The following DRC1 variants were observed in gnomAD, a reference collection of about 807,000 sequenced individuals.
DRC1 encodes the protein dynein regulatory complex protein 1.
In DRC1, 74 loss-of-function variants were observed where a neutral mutation model predicts 98.7. The ratio of observed to expected loss-of-function variants is 0.75; its 90% confidence interval spans 0.62 to 0.91. The LOEUF (loss-of-function observed/expected upper bound fraction) is 0.91, where lower values mean the gene tolerates loss of function less well. Ranked by LOEUF, DRC1 falls within the 40% of genes least tolerant of loss-of-function variation. The pLI is 0.00. For synonymous variants in DRC1, 336 were observed against 334.1 expected (o/e 1.01, Z -0.06); for missense variants, 875 against 886.0 (o/e 0.99, Z 0.16).
chr2:26,438,749 T>C (rs1296141085), intron 7 of DRC1, among the ~76,000 whole-genome samples: 10 of 152,182 alleles, frequency 6.6e-5, no homozygotes, highest in Non-Finnish European at 1.5e-4. Context: ...TAGGCTGTGA[T>C]AGCCACTTGG....
intron 7 of DRC1, among the ~76,000 whole-genome samples, chr2:26,434,333 G>A (rs765345125): frequency 1.3e-5 from 2 of 152,146 alleles, no homozygotes; most frequent in Admixed American, 1.3e-4. Context: ...ACTCCCTACC[G>A]CTGCCCACCA....
At chr2:26,440,641 G>C in intron 8 of DRC1, 124 bp downstream of exon 8, 1 of 1,258,276 alleles carries the variant, frequency 7.9e-7, no homozygotes, top group Non-Finnish European at 1.0e-6. Flanking sequence ...TATTAAAATA[G>C]TTTTTTGGAA....
chr2:26,414,548 C>A, intron 2 of DRC1, 117 bp downstream of exon 2: 1 of 887,986 alleles, frequency 1.1e-6, no homozygotes, highest in East Asian at 2.7e-5. Flanking sequence ...CTAGGCAGAA[C>A]TGAATAGAAT....
chr2:26,421,465 C>T, intron 3 of DRC1, 65 bp downstream of exon 3: 1 of 1,412,206 alleles, frequency 7.1e-7, no homozygotes, highest in Admixed American at 1.9e-5. Context: ...CGGCAGTTCT[C>T]CCGAATTGTT....
chr2:26,450,963 G>A (rs1212152645), intron 13 of DRC1, among the ~76,000 whole-genome samples: 1 of 151,624 alleles, frequency 6.6e-6, no homozygotes, highest in African/African-American at 2.4e-5. Context: ...CCATTTATGA[G>A]TGAGAACATG....
At chr2:26,407,785 G>C (rs1330207000) in intron 1 of DRC1, among the ~76,000 whole-genome samples, 1 of 151,966 alleles carries the variant, frequency 6.6e-6, no homozygotes. Context: ...TCCTGGACTT[G>C]TGCCCTAAGC....
chr2:26,442,923 G>C (rs917439398), intron 8 of DRC1, among the ~76,000 whole-genome samples: 1 of 152,110 alleles, frequency 6.6e-6, no homozygotes, highest in Non-Finnish European at 1.5e-5. Flanking sequence ...TGTTTTGTTA[G>C]CTTCGGTAAT....
At chr2:26,432,331 G>A (rs1663457512) in intron 7 of DRC1, among the ~76,000 whole-genome samples, 1 of 151,760 alleles carries the variant, frequency 6.6e-6, no homozygotes, top group Non-Finnish European at 1.5e-5. Context: ...ACTGTGTCTC[G>A]GCAAAAAATA....
chr2:26,421,374 CGAA>C lies in DRC1; in HGVS notation c.336_338del (p.Glu114del). The C allele has an allele frequency of 6.2e-7, 1 of 1,613,104 alleles. No homozygotes were observed. Among genetic ancestry groups the C allele is most frequent in the Non-Finnish European group, 8.5e-7 (1 of 1,179,500 alleles). On this transcript the variant is annotated inframe_deletion, in exon 3 of 17. Transcript: ENST00000288710. Reference sequence around the variant, plus strand: ...ATATCAGAGAGATTCACAGGAGAGTCGAAGAAGAGGAGATAAAGCGTCAAAGGT... The same window carrying C: ...ATATCAGAGAGATTCACAGGAGAGTCGAAGAGGAGATAAAGCGTCAAAGGT...
intron 7 of DRC1, among the ~76,000 whole-genome samples, chr2:26,435,710 T>G (rs1269198768): frequency 1.3e-5 from 2 of 152,196 alleles, no homozygotes; most frequent in Non-Finnish European, 2.9e-5. Context: ...GATAATAGCC[T>G]CCAGCTCCAA....
chr2:26,406,947 T>C (rs1011922078), intron 1 of DRC1, among the ~76,000 whole-genome samples: 1 of 150,650 alleles, frequency 6.6e-6, no homozygotes, highest in Non-Finnish European at 1.5e-5. Flanking sequence ...GCCTCTCGAG[T>C]AGCTGGGACC....
At chr2:26,412,323 G>A (rs902175052) in intron 1 of DRC1, among the ~76,000 whole-genome samples, 3 of 152,122 alleles carry the variant, frequency 2.0e-5, no homozygotes, top group Admixed American at 6.5e-5. Context: ...AGCCGAGATC[G>A]CGCCATTGCA....
chr2:26,444,366 G>A lies in DRC1; in HGVS notation c.1163+10G>A, dbSNP rs1285517960. ...TACAGAAAGCCATGAGGTATCTTAA[G>A]GACTTGGTCCTAAGGCACTTGTCCT... On this transcript the variant is annotated intron_variant, in intron 9 of 16. Coordinates refer to ENST00000288710, the MANE Select transcript of DRC1 (RefSeq NM_145038.5). The A allele has an allele frequency of 1.5e-5, 24 of 1,613,008 alleles. No homozygotes were observed. Among genetic ancestry groups the A allele is most frequent in the Non-Finnish European group, 1.9e-5 (22 of 1,179,788 alleles).
intron 10 of DRC1, among the ~76,000 whole-genome samples, chr2:26,445,238 T>G (rs1663822922): frequency 6.6e-6 from 1 of 152,258 alleles, no homozygotes; most frequent in African/African-American, 2.4e-5. Flanking sequence ...CTTTTTGTGA[T>G]GTTAGCAACC....
intron 1 of DRC1, among the ~76,000 whole-genome samples, chr2:26,410,400 T>C (rs1395248607): frequency 6.6e-6 from 1 of 151,396 alleles, no homozygotes. Context: ...GCCTCCCAAA[T>C]AGCTGGGATT....
At chr2:26,443,880 T>C (rs1663783154) in intron 8 of DRC1, among the ~76,000 whole-genome samples, 1 of 152,218 alleles carries the variant, frequency 6.6e-6, no homozygotes, top group African/African-American at 2.4e-5. Context: ...AGATAGATTA[T>C]TTAAATATGT....
chr2:26,421,252 T>C (rs777457305), intron 2 of DRC1, 36 bp from the exon 3 acceptor site: 22 of 1,577,102 alleles, frequency 1.4e-5, no homozygotes, highest in Non-Finnish European at 1.8e-5. Context: ...TTACAAAGTG[T>C]TCTAGCTTTG....
chr2:26,417,025 G>A (rs1378736418), intron 2 of DRC1, among the ~76,000 whole-genome samples: 1 of 152,076 alleles, frequency 6.6e-6, no homozygotes, highest in Admixed American at 6.6e-5. Context: ...ACAACAGCCA[G>A]ATCTCACGAG....
At chr2:26,429,852 C>T in intron 5 of DRC1, 87 bp downstream of exon 5, 1 of 1,400,396 alleles carries the variant, frequency 7.1e-7, no homozygotes, top group South Asian at 1.4e-5. Context: ...TAAGGAGGGC[C>T]CTACATGACT....
Sources: gnomAD v4.1 joint callset for allele counts (sites outside exome capture counted in the v4.1 genomes callset) on GRCh38, gnomAD v4.1.1 for gene constraint, MANE v1.5 for transcripts, NCBI Gene and HGNC (gene_info 2026-07-23, HGNC 2026-07-21) for gene names.